The following CBX5 variants were observed in gnomAD, a reference collection of about 807,000 sequenced individuals.
CBX5 encodes chromobox protein homolog 5.
CBX5 carries 7 observed loss-of-function variants against 20.7 expected under a neutral mutation model. That is an observed-to-expected ratio of 0.34 (90% CI 0.19 to 0.63). CBX5 has a LOEUF of 0.63. Among genes scored for constraint, CBX5 ranks in the 30% least tolerant of loss-of-function variants. The pLI is 0.75. For missense variants in CBX5, 110 were observed against 224.1 expected (o/e 0.49, Z 3.25); for synonymous variants, 78 against 77.0 (o/e 1.01, Z -0.07).
Position 54,236,034 on chromosome 12 carries a change from A to G in CBX5, c.*5721T>C, listed in dbSNP as rs578249723. ...TAACAGCATTTCCAACCCTCCAGCT[A>G]TATTTATTTCCTGGAATATGTTCTT... On this transcript the variant is annotated 3_prime_UTR_variant, in exon 5 of 5. Transcript: ENST00000209875. 7 of 152,218 alleles carry G rather than the reference A, an allele frequency of 4.6e-5. No homozygotes were observed. The East Asian group carries it at 1.2e-3, about 25-fold the overall frequency. The allele number at this position is 152,218 out of a possible 1,614,324, so 9.4% of individuals were successfully genotyped here.
In CBX5 at chr12:54,241,185, G is replaced by T. The variant is rs2137008630; in HGVS notation, c.*570C>A. 6.6e-6 allele frequency: 1 copy of T among 152,298 alleles called. No individual in the cohort carries two copies. The highest frequency in any genetic ancestry group is 2.4e-5 in the African/African-American group (1 of 41,538). 9.4% of individuals were successfully genotyped at this position (152,298 alleles called of 1,614,324 possible). A position where few individuals can be genotyped will look rare whatever the true frequency, so the allele number is the denominator to read the frequency against. ...GAGTGAGGATGAACAACAGAGGGTG[G>T]CCCAGAAGACCACACCAGAAACCCT... On this transcript the variant is annotated 3_prime_UTR_variant, in exon 5 of 5. Transcript: ENST00000209875.
At chr12:54,279,843 G>A (rs1202111136) in intron 1 of CBX5, among the ~76,000 whole-genome samples, 165 bp downstream of exon 1, 4 of 152,054 alleles carry the variant, frequency 2.6e-5, no homozygotes, top group African/African-American at 7.2e-5. Context: ...AAGAACCTAC[G>A]GGGATTAAAA....
chr12:54,253,827 A>G (rs1054036649), intron 2 of CBX5, among the ~76,000 whole-genome samples: 8 of 145,220 alleles, frequency 5.5e-5, no homozygotes, highest in African/African-American at 1.8e-4. Flanking sequence ...CAGTGGTGTG[A>G]TATCGGCTCG....
chr12:54,274,705 C>T (rs141967632), intron 1 of CBX5, among the ~76,000 whole-genome samples: 16 of 152,172 alleles, frequency 1.1e-4, no homozygotes, highest in African/African-American at 3.1e-4. Flanking sequence ...TTTGGGAGGC[C>T]GAGGCGGTTG....
chr12:54,246,614 T>C (rs1029659382), intron 3 of CBX5, among the ~76,000 whole-genome samples: 1 of 151,848 alleles, frequency 6.6e-6, no homozygotes, highest in African/African-American at 2.4e-5. Flanking sequence ...ACCCCATCTC[T>C]ACTAAAAATA....
chr12:54,279,821 T>G (rs1944115810), intron 1 of CBX5, among the ~76,000 whole-genome samples, 187 bp downstream of exon 1: 1 of 152,234 alleles, frequency 6.6e-6, no homozygotes, highest in Admixed American at 6.5e-5. Context: ...AGTCTTCGGC[T>G]GCACAGCTCC....
At chr12:54,242,369 C>CA (rs1231221484) in intron 4 of CBX5, among the ~76,000 whole-genome samples, 1 of 151,748 alleles carries the variant, frequency 6.6e-6, no homozygotes, top group Non-Finnish European at 1.5e-5. Context: ...ACTAAAAGTA[C>CA]AAAAAATTAG....
chr12:54,232,719 T>C lies in CBX5; in HGVS notation c.*9036A>G, dbSNP rs1226424315. 1 of 151,954 alleles carries C rather than the reference T, an allele frequency of 6.6e-6. No individual in the cohort carries two copies. The highest frequency in any genetic ancestry group is 6.6e-5 in the Admixed American group (1 of 15,244). 9.4% of individuals were successfully genotyped at this position (151,954 alleles called of 1,614,324 possible). ...CTGAGGGCCTATTATTTATCTAGTA[T>C]AATGTGAGGAATCTTGGAAAAATGA... On this transcript the variant is annotated 3_prime_UTR_variant, in exon 5 of 5. Coordinates refer to ENST00000209875, the MANE Select transcript of CBX5 (RefSeq NM_012117.3).
rs571850668 is a variant in CBX5, at chr12:54,232,727, G to A, written c.*9028C>T. The A allele has an allele frequency of 6.6e-6, 1 of 151,922 alleles. No individual in the cohort carries two copies. The highest frequency in any genetic ancestry group is 1.9e-4 in the East Asian group (1 of 5,182). The allele number at this position is 151,922 out of a possible 1,614,324, so 9.4% of individuals were successfully genotyped here. On this transcript the variant is annotated 3_prime_UTR_variant, in exon 5 of 5. Coordinates refer to ENST00000209875, the MANE Select transcript of CBX5 (RefSeq NM_012117.3). ...CTATTATTTATCTAGTATAATGTGAGGAATCTTGGAAAAATGAACTGCTTC... is the reference window on the plus strand; with the variant it reads ...CTATTATTTATCTAGTATAATGTGAAGAATCTTGGAAAAATGAACTGCTTC...
chr12:54,240,663 T>TA lies in CBX5; in HGVS notation c.*1091dup, dbSNP rs1362560564. 6.6e-6 allele frequency: 1 copy of TA among 152,072 alleles called. No homozygotes were observed. Among genetic ancestry groups the TA allele is most frequent in the Non-Finnish European group, 1.5e-5 (1 of 67,998 alleles). 9.4% of individuals were successfully genotyped at this position (152,072 alleles called of 1,614,324 possible). A position where few individuals can be genotyped will look rare whatever the true frequency, so the allele number is the denominator to read the frequency against. On this transcript the variant is annotated 3_prime_UTR_variant, in exon 5 of 5. Coordinates refer to ENST00000209875, the MANE Select transcript of CBX5 (RefSeq NM_012117.3). ...AGGAGACATAACTGCTATGAACACT[T>TA]AAAATTGATATTGTGGCCAACAGCT...
intron 1 of CBX5, among the ~76,000 whole-genome samples, chr12:54,261,378 C>A (rs538474166): frequency 7.3e-5 from 11 of 151,630 alleles, no homozygotes; most frequent in African/African-American, 2.7e-4. Context: ...CTTACTGCAA[C>A]CTCCAACTCC....
intron 2 of CBX5, 75 bp downstream of exon 2, chr12:54,257,439 G>C (rs959586025): frequency 5.2e-5 from 77 of 1,488,764 alleles, no homozygotes; most frequent in Non-Finnish European, 6.3e-5. Context: ...AAAAATGCTT[G>C]TGATTCCTAA....
chr12:54,258,202 TCAC>T (rs1943881509), intron 1 of CBX5: 2 of 152,334 alleles, frequency 1.3e-5, no homozygotes, highest in Admixed American at 1.3e-4. Flanking sequence ...TAGGCACCTT[TCAC>T]CACATTTTCA....
intron 2 of CBX5, among the ~76,000 whole-genome samples, chr12:54,256,355 T>C (rs1426902762): frequency 2.6e-5 from 4 of 152,170 alleles, no homozygotes; most frequent in African/African-American, 9.7e-5. Context: ...GCACTCTGGG[T>C]GCTAGAGATG....
chr12:54,246,253 A>C, intron 3 of CBX5, 38 bp from the exon 4 acceptor site: 1 of 1,449,060 alleles, frequency 6.9e-7, no homozygotes, highest in Non-Finnish European at 9.7e-7. Context: ...CAGCTTGTGG[A>C]AAGAGTAAAG....
chr12:54,245,829 T>A (rs1943729813), intron 4 of CBX5, among the ~76,000 whole-genome samples: 1 of 148,792 alleles, frequency 6.7e-6, no homozygotes, highest in Non-Finnish European at 1.5e-5. Context: ...AATACAAAAA[T>A]TAGCCAGGCA....
rs1462213368 is a variant in CBX5 at position 54,231,384 on chromosome 12, T to A, written c.*10371A>T. On this transcript the variant is annotated 3_prime_UTR_variant, in exon 5 of 5. Transcript: ENST00000209875. ...ATGGGCAAGTCAACTCCTGGCTACTTGGCAGGGAGTCAGACTGTGCTCTCT... is the reference window on the plus strand; with the variant it reads ...ATGGGCAAGTCAACTCCTGGCTACTAGGCAGGGAGTCAGACTGTGCTCTCT... 6.5e-6 allele frequency: 1 copy of A among 154,608 alleles called. No homozygotes were observed. Among genetic ancestry groups the A allele is most frequent in the Non-Finnish European group, 1.5e-5 (1 of 68,080 alleles). 9.6% of individuals were successfully genotyped at this position (154,608 alleles called of 1,614,324 possible). A position where few individuals can be genotyped will look rare whatever the true frequency, so the allele number is the denominator to read the frequency against.
chr12:54,249,247 G>A (rs2137014821), intron 3 of CBX5, among the ~76,000 whole-genome samples: 1 of 152,158 alleles, frequency 6.6e-6, no homozygotes, highest in East Asian at 1.9e-4. Context: ...GCATGTGCCT[G>A]TAGTCCCAGC....
At chr12:54,255,112 A>G (rs1357855068) in intron 2 of CBX5, among the ~76,000 whole-genome samples, 1 of 152,182 alleles carries the variant, frequency 6.6e-6, no homozygotes, top group Non-Finnish European at 1.5e-5. Context: ...CACCCAAAAG[A>G]CAACATAGTA....
Sources: allele counts gnomAD v4.1 joint callset (sites outside exome capture counted in the v4.1 genomes callset), GRCh38; gene constraint gnomAD v4.1.1; transcripts MANE v1.5; gene names NCBI Gene and HGNC (gene_info 2026-07-23, HGNC 2026-07-21).